NAALADL2: variants seen among roughly 807,000 people sequenced by gnomAD.
The protein encoded by NAALADL2 is inactive N-acetylated-alpha-linked acidic dipeptidase-like protein 2.
Under a neutral mutation model 87.2 loss-of-function variants are expected in NAALADL2, and 76 were observed. The ratio of observed to expected loss-of-function variants is 0.87; its 90% confidence interval spans 0.72 to 1.05. The LOEUF is 1.05. Ranked by LOEUF, NAALADL2 falls within the 50% of genes least tolerant of loss-of-function variation. The pLI is 0.00. For synonymous variants in NAALADL2, 354 were observed against 331.0 expected (o/e 1.07, Z -0.75); for missense variants, 1,089 against 945.8 (o/e 1.15, Z -1.99).
chr3:175,152,778 G>A (rs536953448), intron 2 of NAALADL2, among the ~76,000 whole-genome samples: 2 of 152,040 alleles, frequency 1.3e-5, no homozygotes, highest in East Asian at 2.0e-4. Context: ...TTGGTGGCAG[G>A]CACCTGTAAT....
chr3:175,070,178 TAAAAATAA>T (rs1715360783), intron 1 of NAALADL2, among the ~76,000 whole-genome samples: 2 of 150,610 alleles, frequency 1.3e-5, no homozygotes, highest in African/African-American at 2.4e-5. Context: ...TAAACTAAAA[TAAAAATAA>T]AAAATAAAAA....
At chr3:174,522,899 A>G (rs1284927062) in intron 1 of NAALADL2, among the ~76,000 whole-genome samples, 1 of 138,800 alleles carries the variant, frequency 7.2e-6, no homozygotes, top group Non-Finnish European at 1.5e-5. Flanking sequence ...TCGCCACTGC[A>G]CTCCAGCTTG....
At chr3:174,942,852 A>G (rs2108476848) in intron 1 of NAALADL2, among the ~76,000 whole-genome samples, 1 of 152,064 alleles carries the variant, frequency 6.6e-6, no homozygotes, top group South Asian at 2.1e-4. Flanking sequence ...TGCATTGTGA[A>G]ATTCTTGTAT....
chr3:175,632,233 T>A (rs188637663), intron 11 of NAALADL2, among the ~76,000 whole-genome samples: 30 of 151,770 alleles, frequency 2.0e-4, no homozygotes, highest in Admixed American at 9.9e-4. Context: ...TCTCACAATA[T>A]CTGATGGTTT....
intron 3 of NAALADL2, among the ~76,000 whole-genome samples, chr3:174,761,139 G>GAA (rs1712889174): frequency 6.6e-6 from 1 of 152,120 alleles, no homozygotes; most frequent in South Asian, 2.1e-4. Flanking sequence ...TACTTCTAAA[G>GAA]AAAATAATTG....
intron 3 of NAALADL2, among the ~76,000 whole-genome samples, chr3:174,778,631 C>A (rs1715535308): frequency 6.6e-6 from 1 of 152,004 alleles, no homozygotes; most frequent in African/African-American, 2.4e-5. Flanking sequence ...CTCTCCTAGA[C>A]CCCCACCCTG....
chr3:174,748,176 G>A (rs191112143), intron 3 of NAALADL2, among the ~76,000 whole-genome samples: 226 of 152,130 alleles, frequency 1.5e-3, no homozygotes, highest in Admixed American at 2.7e-3. Flanking sequence ...GTGGAGGGAG[G>A]GAGAGCATTA....
chr3:175,704,753 T>C (rs556068186), intron 11 of NAALADL2, among the ~76,000 whole-genome samples: 28 of 152,318 alleles, frequency 1.8e-4, no homozygotes, highest in African/African-American at 6.7e-4. Flanking sequence ...TATTTCCCCA[T>C]GTCTTATTTG....
chr3:175,548,927 T>C (rs1371642483), intron 9 of NAALADL2, among the ~76,000 whole-genome samples: 1 of 152,054 alleles, frequency 6.6e-6, no homozygotes, highest in Admixed American at 6.6e-5. Context: ...AGTTTGATTC[T>C]AATGCTTCTA....
intron 2 of NAALADL2, among the ~76,000 whole-genome samples, chr3:175,117,642 A>T (rs1337048671): frequency 6.6e-6 from 1 of 150,834 alleles, no homozygotes; most frequent in African/African-American, 2.5e-5. Flanking sequence ...ATGTGGAGAA[A>T]TAGGAACACT....
rs191023555 is a variant in NAALADL2, at chr3:175,217,991, T to A, written c.546-15940T>A. 149 of 323,146 alleles carry A rather than the reference T, an allele frequency of 4.6e-4. 1 individual carries two copies. Among genetic ancestry groups the A allele is most frequent in the Non-Finnish European group, 7.3e-4 (117 of 160,194 alleles). 20.0% of individuals were successfully genotyped at this position (323,146 alleles called of 1,614,324 possible). ...ATGAATAGATAGTGTCTGTGCTAAT[T>A]TAGCTGTCATTAATGTATAGCCTGA... is the stretch of plus-strand genomic sequence containing the variant. On this transcript the variant is annotated intron_variant, in intron 2 of 13. Transcript: ENST00000454872.
At chr3:175,003,722 G>T (rs1285717260) in intron 1 of NAALADL2, among the ~76,000 whole-genome samples, 1 of 152,164 alleles carries the variant, frequency 6.6e-6, no homozygotes, top group Non-Finnish European at 1.5e-5. Context: ...TTCATTCACC[G>T]ATCAGTAGTG....
chr3:174,856,620 G>C (rs12631659), upstream of NAALADL2, among the ~76,000 whole-genome samples: 13 of 152,162 alleles, frequency 8.5e-5, no homozygotes, highest in East Asian at 2.3e-3. Flanking sequence ...CTTAATAATG[G>C]TCCCAAAATG....
At chr3:175,389,959 C>T (rs184819181) in intron 5 of NAALADL2, among the ~76,000 whole-genome samples, 4 of 152,076 alleles carry the variant, frequency 2.6e-5, no homozygotes, top group Admixed American at 2.6e-4. Context: ...GTACTATATG[C>T]AAAAAGCAGA....
intron 11 of NAALADL2, among the ~76,000 whole-genome samples, chr3:175,643,013 A>G (rs1309280572): frequency 1.3e-5 from 2 of 152,186 alleles, no homozygotes; most frequent in Non-Finnish European, 2.9e-5. Context: ...GGAAATCCAG[A>G]GATATATTTG....
intron 11 of NAALADL2, among the ~76,000 whole-genome samples, chr3:175,686,275 CA>C: frequency 6.6e-6 from 1 of 152,250 alleles, no homozygotes; most frequent in South Asian, 2.1e-4. Flanking sequence ...AGTATATTAG[CA>C]AGTTAGTTTG....
chr3:175,133,587 C>T lies in NAALADL2; in HGVS notation c.545+36296C>T, dbSNP rs1276552636. On this transcript the variant is annotated intron_variant, in intron 2 of 13. Coordinates refer to ENST00000454872, the MANE Select transcript of NAALADL2 (RefSeq NM_207015.3). ...AAATACGAAAACCAGTCAGGCGTGGCGGCGCGCGCCTGCAATCGCAGGCAC... is the reference window on the plus strand; with the variant it reads ...AAATACGAAAACCAGTCAGGCGTGGTGGCGCGCGCCTGCAATCGCAGGCAC... Among the ~76,000 whole-genome samples the T allele has an allele frequency of 1.2e-4, 19 of 152,268 alleles. No individual in the cohort carries two copies. In the Middle Eastern group the frequency reaches 0.01, roughly 82 times the overall value.
intron 5 of NAALADL2, chr3:175,397,169 T>A (rs1316154488): frequency 6.6e-6 from 1 of 152,134 alleles, no homozygotes; most frequent in African/African-American, 2.4e-5. Context: ...CACTTGAGAA[T>A]TTAGTTTCAA....
chr3:174,799,222 T>C (rs1415868056), intron 3 of NAALADL2, among the ~76,000 whole-genome samples: 6 of 152,046 alleles, frequency 3.9e-5, no homozygotes, highest in Non-Finnish European at 8.8e-5. Context: ...GGATGCATTG[T>C]TTTTTCTTGC....
Sources: allele counts gnomAD v4.1 joint callset (sites outside exome capture counted in the v4.1 genomes callset), GRCh38; gene constraint gnomAD v4.1.1; transcripts MANE v1.5; gene names NCBI Gene and HGNC (gene_info 2026-07-23, HGNC 2026-07-21).